DERA: variants seen among roughly 807,000 people sequenced by gnomAD.
The protein encoded by DERA is 2-deoxy-D-ribose 5-phosphate aldolase.
A neutral mutation model predicts 41.1 loss-of-function variants in DERA; 15 were observed. The ratio of observed to expected loss-of-function variants is 0.37; its 90% confidence interval spans 0.24 to 0.56. The LOEUF is 0.56. DERA is among the 20% of genes least tolerant of loss of function. The pLI, the probability that DERA is intolerant of heterozygous loss-of-function variation, is 0.81. For missense variants in DERA, 396 were observed against 403.4 expected (o/e 0.98, Z 0.16); for synonymous variants, 139 against 137.4 (o/e 1.01, Z -0.08).
At position 15,988,920 on chromosome 12, in the gene DERA, G is replaced by A. The variant is rs917408244; in HGVS notation, c.637+6484G>A. ...GGGGCCAAGGCGGTGGGAGGCTGGC[G>A]TGTCAGCGCTGCCCTGAATGTGTGC... On this transcript the variant is annotated intron_variant, in intron 6 of 8. Transcript: ENST00000428559. The surrounding 1 kb of genome is among the most constrained non-coding windows in gnomAD (Gnocchi z 6.0). Among the ~76,000 whole-genome samples the A allele has an allele frequency of 1.8e-4, 27 of 152,214 alleles. No individual in the cohort carries two copies. Among genetic ancestry groups the A allele is most frequent in the African/African-American group, 5.5e-4 (23 of 41,458 alleles).
Position 16,036,806 on chromosome 12 carries a change from TA to T in DERA, c.*62del. ...AATGTTTAAAAATTATTTTTCTACGTAATTGCTAAAATTATTTAATTAAAAA... is the reference window on the plus strand; with the variant it reads ...AATGTTTAAAAATTATTTTTCTACGTATTGCTAAAATTATTTAATTAAAAA... On this transcript the variant is annotated 3_prime_UTR_variant, in exon 9 of 9. Coordinates refer to ENST00000428559, the MANE Select transcript of DERA (RefSeq NM_015954.4). The surrounding 1 kb of genome is among the most constrained non-coding windows in gnomAD (Gnocchi z 4.9). 7.9e-7 allele frequency: 1 copy of T among 1,262,882 alleles called. No homozygotes were observed. Among genetic ancestry groups the T allele is most frequent in the Non-Finnish European group, 1.1e-6 (1 of 893,876 alleles). The allele number at this position is 1,262,882 out of a possible 1,614,324, so 78.2% of individuals were successfully genotyped here.
In DERA at chr12:15,911,650, AGGGTTAGAT is replaced by A; in HGVS notation, c.31+237_31+245del. ...CTCTTGTATGCGGAAGGAGTAGGAA[AGGGTTAGAT>A]TATTATCTTCCTGCCTTTTCGTTCA... On this transcript the variant is annotated intron_variant, in intron 1 of 8. Coordinates refer to ENST00000428559, the MANE Select transcript of DERA (RefSeq NM_015954.4). This position sits in a 1 kb window ranked among gnomAD's most constrained non-coding sequence, Gnocchi z 4.5. The A allele has an allele frequency of 2.9e-6, 2 of 694,370 alleles. No individual in the cohort carries two copies. Among genetic ancestry groups the A allele is most frequent in the Non-Finnish European group, 5.3e-6 (2 of 380,410 alleles). 43.0% of individuals were successfully genotyped at this position (694,370 alleles called of 1,614,324 possible).
chr12:16,025,114 CAATT>C (rs1191182817), intron 6 of DERA, among the ~76,000 whole-genome samples: 1 of 151,764 alleles, frequency 6.6e-6, no homozygotes, highest in Non-Finnish European at 1.5e-5. Context: ...ATAAAATGCT[CAATT>C]AAGCCAGGAA....
chr12:16,032,691 G>A, intron 7 of DERA, 37 bp downstream of exon 7: 1 of 1,297,314 alleles, frequency 7.7e-7, no homozygotes, highest in Non-Finnish European at 1.1e-6. Context: ...TCAGAGTAAA[G>A]ATAATGTTAT....
At chr12:16,016,386 A>G (rs889376227) in intron 6 of DERA, among the ~76,000 whole-genome samples, 9 of 152,188 alleles carry the variant, frequency 5.9e-5, no homozygotes, top group African/African-American at 2.2e-4. Flanking sequence ...ATATTTAAAA[A>G]CACCCTCAGG....
intron 6 of DERA, among the ~76,000 whole-genome samples, chr12:16,022,736 C>A (rs1234742518): frequency 6.6e-6 from 1 of 152,182 alleles, no homozygotes; most frequent in Non-Finnish European, 1.5e-5. Context: ...AGCGTCTCAG[C>A]TGAAATTTGC....
At chr12:15,948,088 G>A (rs757034741) in intron 1 of DERA, among the ~76,000 whole-genome samples, 1 of 152,204 alleles carries the variant, frequency 6.6e-6, no homozygotes, top group South Asian at 2.1e-4. Flanking sequence ...TGTCTGATGG[G>A]CTTCCCTTTA....
At chr12:15,974,999 T>A (rs913606505) in intron 5 of DERA, among the ~76,000 whole-genome samples, 1 of 152,198 alleles carries the variant, frequency 6.6e-6, no homozygotes, top group African/African-American at 2.4e-5. Flanking sequence ...CATCATTATT[T>A]ATTTTGATAC....
intron 6 of DERA, among the ~76,000 whole-genome samples, chr12:15,991,100 C>T (rs1452513909): frequency 6.6e-6 from 1 of 152,102 alleles, no homozygotes; most frequent in Admixed American, 6.5e-5. Context: ...CCTTTTTCTC[C>T]ACAACCTCGC....
At chr12:15,945,164 GATACCTC>G in intron 1 of DERA, among the ~76,000 whole-genome samples, 1 of 152,198 alleles carries the variant, frequency 6.6e-6, no homozygotes, top group Non-Finnish European at 1.5e-5. Flanking sequence ...CAGGTAGCGT[GATACCTC>G]CAGCTTTGTT....
rs1948269621 is a variant in DERA, at chr12:15,924,718, T to A, written c.31+13304T>A. 6.6e-6 allele frequency among the ~76,000 whole-genome samples: 1 copy of A among 152,230 alleles called. No individual in the cohort carries two copies. Among genetic ancestry groups the A allele is most frequent in the Non-Finnish European group, 1.5e-5 (1 of 68,038 alleles). On this transcript the variant is annotated intron_variant, in intron 1 of 8. Transcript: ENST00000428559. The surrounding 1 kb of genome is among the most constrained non-coding windows in gnomAD (Gnocchi z 5.0). ...ATGGTAGCCATTATTGTAATTCCAA[T>A]CGATCCTATATTGTGAAAATACTTG...
intron 5 of DERA, among the ~76,000 whole-genome samples, chr12:15,980,972 C>T (rs1948728746): frequency 6.6e-6 from 1 of 152,184 alleles, no homozygotes; most frequent in Non-Finnish European, 1.5e-5. Flanking sequence ...ATAGAACTCT[C>T]ATTTTAGCTT....
chr12:15,949,411 C>A (rs1037480215), intron 1 of DERA, among the ~76,000 whole-genome samples: 3 of 152,162 alleles, frequency 2.0e-5, no homozygotes, highest in African/African-American at 7.2e-5. Flanking sequence ...GGCACCCCTC[C>A]CCCAGCCTCA....
Position 15,957,800 on chromosome 12 carries a change from C to T in DERA, c.130-388C>T, listed in dbSNP as rs1252868226. 6.6e-6 allele frequency among the ~76,000 whole-genome samples: 1 copy of T among 152,108 alleles called. No individual in the cohort carries two copies. The highest frequency in any genetic ancestry group is 1.5e-5 in the Non-Finnish European group (1 of 68,012). ...AAAAATGATAATCTCATCCCAGATCCCAGAGCGGGAGGTAAAATGTAAGGT... is the reference window on the plus strand; with the variant it reads ...AAAAATGATAATCTCATCCCAGATCTCAGAGCGGGAGGTAAAATGTAAGGT... On this transcript the variant is annotated intron_variant, in intron 2 of 8. Coordinates refer to ENST00000428559, the MANE Select transcript of DERA (RefSeq NM_015954.4). This position sits in a 1 kb window ranked among gnomAD's most constrained non-coding sequence, Gnocchi z 4.8.
intron 4 of DERA, among the ~76,000 whole-genome samples, chr12:15,960,318 A>G (rs907240454): frequency 8.0e-5 from 12 of 150,786 alleles, no homozygotes; most frequent in Non-Finnish European, 1.6e-4. Context: ...ATGTTCTGTT[A>G]TACATATATA....
Position 15,911,376 on chromosome 12 carries a change from C to T in DERA, c.-8C>T, listed in dbSNP as rs1387175307. ...CTACCAGCCGGCAGCTCCGGAGCTG[C>T]CCGCGCCATGTCCGCGCACAATCGG... On this transcript the variant is annotated 5_prime_UTR_variant, in exon 1 of 9. Transcript: ENST00000428559. This position sits in a 1 kb window ranked among gnomAD's most constrained non-coding sequence, Gnocchi z 4.5. 5 of 1,409,848 alleles carry T rather than the reference C, an allele frequency of 3.5e-6. No individual in the cohort carries two copies. The highest frequency in any genetic ancestry group is 3.4e-5 in the Admixed American group (1 of 29,282). The allele number at this position is 1,409,848 out of a possible 1,614,324, so 87.3% of individuals were successfully genotyped here.
chr12:15,936,058 T>A lies in DERA; in HGVS notation c.32-20878T>A, dbSNP rs931852171. On this transcript the variant is annotated intron_variant, in intron 1 of 8. Coordinates refer to ENST00000428559, the MANE Select transcript of DERA (RefSeq NM_015954.4). The surrounding 1 kb of genome is among the most constrained non-coding windows in gnomAD (Gnocchi z 4.6). ...GTATCCTTATGACATGGCAGCTGGCTTCTCGAGTGATCCAAGTAGGAAGGC... is the reference window on the plus strand; with the variant it reads ...GTATCCTTATGACATGGCAGCTGGCATCTCGAGTGATCCAAGTAGGAAGGC... Among the ~76,000 whole-genome samples, 3 of 152,326 alleles carry A rather than the reference T, an allele frequency of 2.0e-5. No individual in the cohort carries two copies. The highest frequency in any genetic ancestry group is 7.2e-5 in the African/African-American group (3 of 41,570).
rs1414167694 is a variant in DERA at position 15,983,615 on chromosome 12, A to T, written c.637+1179A>T. ...GCCCTATCATATAACTTATCACATG[A>T]CATTGTGATTGAGTGTTGAATTTCT... is the stretch of plus-strand genomic sequence containing the variant. On this transcript the variant is annotated intron_variant, in intron 6 of 8. Transcript: ENST00000428559. The surrounding 1 kb of genome is among the most constrained non-coding windows in gnomAD (Gnocchi z 6.2). Among the ~76,000 whole-genome samples, 1 of 152,120 alleles carries T rather than the reference A, an allele frequency of 6.6e-6. No homozygotes were observed. The highest frequency in any genetic ancestry group is 1.5e-5 in the Non-Finnish European group (1 of 68,022).
In DERA at chr12:15,941,482, A is replaced by C. The variant is rs926319280; in HGVS notation, c.32-15454A>C. On this transcript the variant is annotated intron_variant, in intron 1 of 8. Coordinates refer to ENST00000428559, the MANE Select transcript of DERA (RefSeq NM_015954.4). The surrounding 1 kb of genome is among the most constrained non-coding windows in gnomAD (Gnocchi z 4.5). ...ATTTTAGTGTACCCATCACCCTAGC[A>C]ATGTACGCTGTACCTAATATGTAGT... 6.6e-6 allele frequency among the ~76,000 whole-genome samples: 1 copy of C among 152,130 alleles called. No individual in the cohort carries two copies. Among genetic ancestry groups the C allele is most frequent in the African/African-American group, 2.4e-5 (1 of 41,424 alleles).
Sources: gnomAD v4.1 joint callset for allele counts (sites outside exome capture counted in the v4.1 genomes callset) on GRCh38, gnomAD v4.1.1 for gene constraint, Gnocchi (gnomAD v3.1) non-coding constraint, MANE v1.5 for transcripts, NCBI Gene and HGNC (gene_info 2026-07-23, HGNC 2026-07-21) for gene names.